ARID3B: variants seen among roughly 807,000 people sequenced by gnomAD.
ARID3B encodes the protein AT-rich interaction domain 3B.
A neutral mutation model predicts 51.9 loss-of-function variants in ARID3B; 10 were observed. The ratio of observed to expected loss-of-function variants is 0.19; its 90% CI spans 0.12 to 0.33. The LOEUF is 0.33. ARID3B is among the 10% of genes least tolerant of loss of function. The probability of loss-of-function intolerance (pLI) is 1.00; values close to 1 mark genes in which losing one functional copy is unlikely to be tolerated. For synonymous variants in ARID3B, 205 were observed against 279.5 expected, an observed-to-expected ratio of 0.73 and a Z score of 2.66; for missense variants, 483 against 716.3, an observed-to-expected ratio of 0.67 and a Z score of 3.72.
intron 2 of ARID3B, among the ~76,000 whole-genome samples, chr15:74,546,116 C>T (rs2061614550): frequency 6.6e-6 from 1 of 152,196 alleles, no homozygotes; most frequent in Admixed American, 6.5e-5. Flanking sequence ...ACTCATCACC[C>T]AGGGAGATAG....
At chr15:74,581,382 C>T (rs1262530875) in intron 4 of ARID3B, among the ~76,000 whole-genome samples, 1 of 152,156 alleles carries the variant, frequency 6.6e-6, no homozygotes, top group African/African-American at 2.4e-5. Context: ...ATTGCTTTGC[C>T]TTTTGGTGGA....
At chr15:74,556,198 T>C (rs919495356) in intron 2 of ARID3B, among the ~76,000 whole-genome samples, 2 of 152,148 alleles carry the variant, frequency 1.3e-5, no homozygotes, top group African/African-American at 4.8e-5. Context: ...TTAGAGGTCA[T>C]TGCAAGGTTA....
intron 2 of ARID3B, among the ~76,000 whole-genome samples, chr15:74,552,189 G>A (rs1472660463): frequency 5.6e-5 from 8 of 142,844 alleles, no homozygotes; most frequent in African/African-American, 2.1e-4. Flanking sequence ...AGCCTCTCAA[G>A]TAGCTGGGAC....
intron 2 of ARID3B, among the ~76,000 whole-genome samples, chr15:74,554,619 G>A (rs73434465): frequency 0.013 from 1,905 of 152,148 alleles, 45 homozygotes; most frequent in African/African-American, 0.044. Context: ...TCTTATTTTG[G>A]ATTTTCAATT....
intron 1 of ARID3B, among the ~76,000 whole-genome samples, chr15:74,542,161 T>C (rs756494042): frequency 2.9e-4 from 44 of 152,216 alleles, no homozygotes; most frequent in Non-Finnish European, 5.4e-4. Flanking sequence ...CGTGATTGAT[T>C]GACTGTAATG....
intron 2 of ARID3B, among the ~76,000 whole-genome samples, chr15:74,566,699 T>C (rs1416995939): frequency 6.6e-6 from 1 of 152,112 alleles, no homozygotes; most frequent in South Asian, 2.1e-4. Context: ...CAAATCTTCA[T>C]TGTAGGGTGG....
At chr15:74,581,516 C>T (rs1232103776) in intron 4 of ARID3B, among the ~76,000 whole-genome samples, 1 of 152,166 alleles carries the variant, frequency 6.6e-6, no homozygotes, top group East Asian at 1.9e-4. Flanking sequence ...CATTTTCTAA[C>T]TTTATCCCGA....
chr15:74,562,783 T>C (rs2061683613), intron 2 of ARID3B, among the ~76,000 whole-genome samples: 1 of 152,278 alleles, frequency 6.6e-6, no homozygotes, highest in African/African-American at 2.4e-5. Flanking sequence ...TATGGGAATA[T>C]GGGAGATCCC....
At chr15:74,549,249 G>C (rs1410771076) in intron 2 of ARID3B, among the ~76,000 whole-genome samples, 3 of 151,846 alleles carry the variant, frequency 2.0e-5, no homozygotes. Context: ...TAATTTTTTT[G>C]TATTTTTAGT....
intron 2 of ARID3B, 134 bp downstream of exon 2, chr15:74,544,622 T>C: frequency 1.3e-6 from 1 of 760,776 alleles, no homozygotes; most frequent in Middle Eastern, 2.8e-4. Context: ...TAGACATGAA[T>C]AGACTTTGGA....
chr15:74,573,417 C>G, intron 4 of ARID3B: 1 of 581,700 alleles, frequency 1.7e-6, no homozygotes, highest in Non-Finnish European at 3.1e-6. Flanking sequence ...GAATGATCGT[C>G]CACTTTTGGC....
chr15:74,550,037 T>G (rs1387404090), intron 2 of ARID3B, among the ~76,000 whole-genome samples: 6 of 152,242 alleles, frequency 3.9e-5, no homozygotes, highest in Non-Finnish European at 8.8e-5. Flanking sequence ...AGAGACTCTT[T>G]TCCTTTGTGT....
chr15:74,546,453 CCTGT>C (rs772820757), intron 2 of ARID3B, among the ~76,000 whole-genome samples: 96 of 152,300 alleles, frequency 6.3e-4, no homozygotes, highest in African/African-American at 2.2e-3. Context: ...AGCTCCAGAG[CCTGT>C]CTGTCTTCAG....
chr15:74,553,834 A>AT (rs1170283468), intron 2 of ARID3B, among the ~76,000 whole-genome samples: 1 of 135,596 alleles, frequency 7.4e-6, no homozygotes, highest in Non-Finnish European at 1.5e-5. Context: ...TTTATTTATT[A>AT]TTTTTTGAGA....
At chr15:74,569,420 C>G (rs1221711842) in intron 2 of ARID3B, among the ~76,000 whole-genome samples, 3 of 152,078 alleles carry the variant, frequency 2.0e-5, no homozygotes, top group African/African-American at 7.2e-5. Flanking sequence ...AACCCCATCT[C>G]TACCAAAAAT....
intron 2 of ARID3B, among the ~76,000 whole-genome samples, chr15:74,558,288 T>C (rs781082643): frequency 4.0e-5 from 6 of 151,850 alleles, no homozygotes; most frequent in Non-Finnish European, 7.4e-5. Flanking sequence ...TAAAATCTTA[T>C]GTATTTATAT....
At position 74,584,977 on chromosome 15, in the gene ARID3B, T is replaced by A. The variant is rs74941528; in HGVS notation, c.698-4843T>A. On this transcript the variant is annotated intron_variant, in intron 4 of 8. Coordinates refer to ENST00000346246, the MANE Select transcript of ARID3B (RefSeq NM_006465.4). ...CTCTTTGTTGCAACTGTCAGTCTCC[T>A]TTATTGAGGAGGGAACTGGAGACCA... Among the ~76,000 whole-genome samples the A allele has an allele frequency of 4.4e-3, 667 of 152,312 alleles. 2 individuals carry two copies. The highest frequency in any genetic ancestry group is 0.015 in the African/African-American group (629 of 41,570).
chr15:74,586,085 C>T (rs1267945752), intron 4 of ARID3B, among the ~76,000 whole-genome samples: 2 of 152,194 alleles, frequency 1.3e-5, no homozygotes, highest in African/African-American at 2.4e-5. Context: ...CTGATCAGGG[C>T]ATGGGGGCTC....
chr15:74,595,578 C>T (rs908824787), intron 8 of ARID3B, 33 bp from the exon 9 acceptor site: 4 of 1,602,714 alleles, frequency 2.5e-6, no homozygotes, highest in Non-Finnish European at 2.6e-6. Context: ...CGCTCTTCCT[C>T]TGCCCACACT....
Sources: allele counts gnomAD v4.1 joint callset (sites outside exome capture counted in the v4.1 genomes callset), GRCh38; gene constraint gnomAD v4.1.1; transcripts MANE v1.5; gene names NCBI Gene and HGNC (gene_info 2026-07-23, HGNC 2026-07-21).